RNFT1: variants seen among roughly 807,000 people sequenced by gnomAD.
RNFT1 encodes E3 ubiquitin-protein ligase RNFT1.
Under a neutral mutation model 53.2 loss-of-function variants are expected in RNFT1, and 35 were observed. The ratio of observed to expected loss-of-function variants is 0.66; its 90% CI spans 0.50 to 0.87. The LOEUF (loss-of-function observed/expected upper bound fraction) is 0.87, where lower values mean the gene tolerates loss of function less well. Ranked by LOEUF, RNFT1 falls within the 40% of genes least tolerant of loss-of-function variation. The pLI is 0.00. For missense variants in RNFT1, 421 were observed against 515.0 expected (o/e 0.82, Z 1.77); for synonymous variants, 141 against 172.8 (o/e 0.82, Z 1.44).
rs368504306 is a variant in RNFT1, at chr17:59,964,728, C to T, written c.-65G>A. 89 of 1,470,312 alleles carry T rather than the reference C, an allele frequency of 6.1e-5. No homozygotes were observed. The African/African-American group carries it at 1.1e-3, about 18-fold the overall frequency. 91.1% of individuals were successfully genotyped at this position (1,470,312 alleles called of 1,614,324 possible). ...AACCCCGCAAGCTCTTCTCTCAGCCCGGCGGCAACGGCGGCGGCGCGCGCG... is the reference window on the plus strand; with the variant it reads ...AACCCCGCAAGCTCTTCTCTCAGCCTGGCGGCAACGGCGGCGGCGCGCGCG... On this transcript the variant is annotated 5_prime_UTR_variant, in exon 1 of 9. Coordinates refer to ENST00000305783, the MANE Select transcript of RNFT1 (RefSeq NM_016125.4).
intron 6 of RNFT1, 26 bp downstream of exon 6, chr17:59,957,198 G>A: frequency 6.3e-7 from 1 of 1,599,884 alleles, no homozygotes; most frequent in Non-Finnish European, 8.5e-7. Context: ...GAATCATGCA[G>A]TGACAAGATT....
rs767522754 is a variant in RNFT1, at chr17:59,964,711, A to T, written c.-48T>A. On this transcript the variant is annotated 5_prime_UTR_variant, in exon 1 of 9. Transcript: ENST00000305783. ...CGGGGCCATCAACCGCAAACCCCGC[A>T]AGCTCTTCTCTCAGCCCGGCGGCAA... 2 of 1,553,346 alleles carry T rather than the reference A, an allele frequency of 1.3e-6. No homozygotes were observed. Among genetic ancestry groups the T allele is most frequent in the Admixed American group, 1.9e-5 (1 of 53,102 alleles).
intron 1 of RNFT1, 74 bp from the exon 2 acceptor site, chr17:59,963,358 C>G (rs913327344): frequency 6.3e-6 from 8 of 1,266,640 alleles, no homozygotes; most frequent in Non-Finnish European, 8.8e-6. Flanking sequence ...CACTGGGTAT[C>G]CTTTATTCAC....
At chr17:59,957,934 A>G (rs925469070) in intron 5 of RNFT1, among the ~76,000 whole-genome samples, 1 of 152,220 alleles carries the variant, frequency 6.6e-6, no homozygotes, top group Non-Finnish European at 1.5e-5. Context: ...TTTGCTGATT[A>G]TAAGAATTTA....
At chr17:59,957,490 C>G (rs2045261519) in intron 5 of RNFT1, 108 bp from the exon 6 acceptor site, 1 of 718,934 alleles carries the variant, frequency 1.4e-6, no homozygotes, top group African/African-American at 1.9e-5. Flanking sequence ...ATATAAATAA[C>G]TATAAAATTA....
At chr17:59,958,202 G>C in intron 5 of RNFT1, 89 bp downstream of exon 5, 1 of 1,343,948 alleles carries the variant, frequency 7.4e-7, no homozygotes. Flanking sequence ...CTGAAAAACT[G>C]CAAAAGGAGG....
At chr17:59,958,522 C>T in intron 4 of RNFT1, 78 bp from the exon 5 acceptor site, 1 of 1,148,074 alleles carries the variant, frequency 8.7e-7, no homozygotes, top group Non-Finnish European at 1.3e-6. Context: ...TAATTTGCTA[C>T]AAATATTTTA....
chr17:59,954,217 G>A (rs1164366959), intron 7 of RNFT1, 71 bp from the exon 8 acceptor site: 2 of 1,009,638 alleles, frequency 2.0e-6, no homozygotes, highest in Non-Finnish European at 3.0e-6. Flanking sequence ...CATAAGTAAT[G>A]CTGTACTTCT....
At chr17:59,964,211 T>C (rs941447932) in intron 1 of RNFT1, among the ~76,000 whole-genome samples, 1 of 152,172 alleles carries the variant, frequency 6.6e-6, no homozygotes, top group Admixed American at 6.5e-5. Flanking sequence ...AGGCTAGAGT[T>C]AACGTCAGGG....
In RNFT1 at chr17:59,958,357, G is replaced by T. The variant is rs777855381; in HGVS notation, c.780C>A (p.Phe260Leu). The change falls in exon 5 of 9, where the codon TTC becomes TTA. Residue 260 changes from phenylalanine (F) to leucine (L), a missense_variant. Physicochemically the swap from Phe to Leu is conservative, Grantham distance 22. Transcript: ENST00000305783. ...TAAGGCATTTTAAGCCCATGAAAAA[G>T]AATTTCAGAATGAAGTCTGTAATTC... Reference protein sequence around the residue: ...IVGITDFILKFFFMGLKCLIL... With the variant: ...IVGITDFILKLFFMGLKCLIL... The T allele has an allele frequency of 1.2e-6, 2 of 1,606,310 alleles. No individual in the cohort carries two copies. Among genetic ancestry groups the T allele is most frequent in the South Asian group, 2.3e-5 (2 of 88,532 alleles).
chr17:59,954,331 T>A (rs1002589056), intron 7 of RNFT1, among the ~76,000 whole-genome samples, 185 bp from the exon 8 acceptor site: 3 of 152,198 alleles, frequency 2.0e-5, no homozygotes, highest in Non-Finnish European at 4.4e-5. Context: ...CAAAATGAAA[T>A]CATTAAATAA....
intron 7 of RNFT1, among the ~76,000 whole-genome samples, chr17:59,955,768 A>C (rs529356689): frequency 6.6e-6 from 1 of 152,218 alleles, no homozygotes; most frequent in Non-Finnish European, 1.5e-5. Flanking sequence ...CATTCTTTTA[A>C]GTCAGTCTCC....
At chr17:59,962,022 AAT>A (rs1370292610) in intron 3 of RNFT1, among the ~76,000 whole-genome samples, 4 of 151,038 alleles carry the variant, frequency 2.6e-5, no homozygotes, top group Non-Finnish European at 5.9e-5. Context: ...AGTAGCTGGG[AAT>A]ACAGGCACAT....
At chr17:59,955,348 C>T (rs747790693) in intron 7 of RNFT1, among the ~76,000 whole-genome samples, 13 of 152,122 alleles carry the variant, frequency 8.5e-5, no homozygotes, top group East Asian at 1.9e-4. Context: ...GCTTTTAAGA[C>T]GTTACTCATC....
chr17:59,957,284 A>G lies in RNFT1; in HGVS notation c.945T>C (p.Phe315=), dbSNP rs2045259706. 4 of 1,614,038 alleles carry G rather than the reference A, an allele frequency of 2.5e-6. No individual in the cohort carries two copies. The highest frequency in any genetic ancestry group is 2.5e-6 in the Non-Finnish European group (3 of 1,179,974). ...WFRYLISYGE[F]GNVTRWSLGI... ...CAAGACTCCATCTAGTTACGTTACC[A>G]AACTCCCCATAGCTTATAAGGTAGC... Residue 315 remains phenylalanine (F), a synonymous_variant, in exon 6 of 9, where the codon TTT becomes TTC. Coordinates refer to ENST00000305783, the MANE Select transcript of RNFT1 (RefSeq NM_016125.4).
Position 59,958,311 on chromosome 17 carries a change from TGAAA to T in RNFT1, c.822_825del (p.Phe275SerfsTer14). 1 of 1,594,142 alleles carries T rather than the reference TGAAA, an allele frequency of 6.3e-7. No homozygotes were observed. Among genetic ancestry groups the T allele is most frequent in the African/African-American group, 1.4e-5 (1 of 73,696 alleles). Reference sequence around the variant, plus strand: ...CTTACCTTAGATTTAAAAGGCATGATGAAAGAAGGCACCAATAAAATAAGGCATT... The same window carrying T: ...CTTACCTTAGATTTAAAAGGCATGATGAAGGCACCAATAAAATAAGGCATT... On this transcript the variant is annotated frameshift_variant, in exon 5 of 9. Transcript: ENST00000305783. LOFTEE classifies it high-confidence loss of function.
rs746618504 is a variant in RNFT1 at position 59,964,689 on chromosome 17, G to A, written c.-26C>T. 1.9e-6 allele frequency: 3 copies of A among 1,588,394 alleles called. No individual in the cohort carries two copies. Among genetic ancestry groups the A allele is most frequent in the Non-Finnish European group, 1.7e-6 (2 of 1,167,600 alleles). On this transcript the variant is annotated 5_prime_UTR_variant, in exon 1 of 9. Transcript: ENST00000305783. The stretch of plus-strand genomic sequence containing the variant: ...ACACCGCCTCCAGCCCTTCAGTCGG[G>A]GCCATCAACCGCAAACCCCGCAAGC...
At position 59,960,133 on chromosome 17, in the gene RNFT1, C is replaced by T; in HGVS notation, c.627G>A (p.Leu209=). The T allele has an allele frequency of 6.2e-7, 1 of 1,608,804 alleles. No homozygotes were observed. Among genetic ancestry groups the T allele is most frequent in the Non-Finnish European group, 8.5e-7 (1 of 1,178,026 alleles). ...RSSKIQCAWL[L]VFLAGSSVLL... ...GAACAGAAGATCCTGCTAAGAATACCAGTAACCAAGCACACTGAATCTTTG... is the reference window on the plus strand; with the variant it reads ...GAACAGAAGATCCTGCTAAGAATACTAGTAACCAAGCACACTGAATCTTTG... The change falls in exon 4 of 9, where the codon CTG becomes CTA. Residue 209 remains leucine, a synonymous_variant. Transcript: ENST00000305783.
intron 4 of RNFT1, 123 bp from the exon 5 acceptor site, chr17:59,958,567 G>T: frequency 1.2e-6 from 1 of 833,770 alleles, no homozygotes; most frequent in Non-Finnish European, 1.9e-6. Context: ...TTGGCAGGAT[G>T]TCAGAGTTCA....
Sources: gnomAD v4.1 joint callset for allele counts (sites outside exome capture counted in the v4.1 genomes callset) on GRCh38, gnomAD v4.1.1 for gene constraint, MANE v1.5 for transcripts, NCBI Gene and HGNC (gene_info 2026-07-23, HGNC 2026-07-21) for gene names.